The following ZFYVE9 variants were observed in gnomAD, a reference collection of about 807,000 sequenced individuals.
ZFYVE9 encodes the protein zinc finger FYVE domain-containing protein 9.
In ZFYVE9, 43 loss-of-function variants were observed where a neutral mutation model predicts 126.7. That is an observed-to-expected ratio of 0.34 (90% CI 0.27 to 0.44). The LOEUF (loss-of-function observed/expected upper bound fraction) is 0.44. Among genes scored for constraint, ZFYVE9 ranks in the 20% least tolerant of loss-of-function variants. ZFYVE9 has a pLI of 1.00. For missense variants in ZFYVE9, 1,476 were observed against 1,697.0 expected (o/e 0.87, Z 2.29); for synonymous variants, 521 against 597.4 (o/e 0.87, Z 1.87).
chr1:52,169,911 T>C (rs1572070382), intron 1 of ZFYVE9, among the ~76,000 whole-genome samples: 1 of 152,210 alleles, frequency 6.6e-6, no homozygotes, highest in Non-Finnish European at 1.5e-5. Context: ...AATGGATTTG[T>C]CAATCAGTAA....
rs181017167 is a variant in ZFYVE9, at chr1:52,177,584, C to G, written c.-143+35181C>G. On this transcript the variant is annotated intron_variant, in intron 1 of 18. Coordinates refer to ENST00000287727, the MANE Select transcript of ZFYVE9 (RefSeq NM_004799.4). ...TCTGTGCCATCAAGGAATTAAAGGA[C>G]TAGTTGGGAAGGCAAATATGTAAAT... Among the ~76,000 whole-genome samples the G allele has an allele frequency of 5.8e-3, 878 of 152,278 alleles. 3 individuals carry two copies. Among genetic ancestry groups the G allele is most frequent in the Middle Eastern group, 0.01 (3 of 294 alleles).
chr1:52,241,493 G>C (rs1011145396), intron 4 of ZFYVE9, among the ~76,000 whole-genome samples: 11 of 152,140 alleles, frequency 7.2e-5, no homozygotes, highest in Admixed American at 2.6e-4. Context: ...GCTTTCTTAA[G>C]TAAATAATGA....
chr1:52,256,195 AG>A (rs1172948928), intron 4 of ZFYVE9, among the ~76,000 whole-genome samples: 1 of 151,310 alleles, frequency 6.6e-6, no homozygotes, highest in East Asian at 2.0e-4. Flanking sequence ...CCTCCCAAGT[AG>A]CTGAGATAAC....
chr1:52,229,739 T>C (rs1426379852), intron 2 of ZFYVE9, among the ~76,000 whole-genome samples: 3 of 152,162 alleles, frequency 2.0e-5, no homozygotes, highest in Admixed American at 6.5e-5. Context: ...TGACAAATAA[T>C]CACACTGATG....
intron 1 of ZFYVE9, among the ~76,000 whole-genome samples, chr1:52,156,989 C>T (rs571889930): frequency 6.6e-5 from 10 of 152,176 alleles, no homozygotes; most frequent in Middle Eastern, 3.4e-3. Context: ...CCCGCCACCT[C>T]GCCCGGCTAA....
intron 1 of ZFYVE9, among the ~76,000 whole-genome samples, chr1:52,184,589 G>A (rs1389175125): frequency 2.0e-5 from 3 of 147,462 alleles, no homozygotes; most frequent in Non-Finnish European, 3.0e-5. Context: ...TTTGGGTGGC[G>A]GGTGGTGGGG....
At chr1:52,304,594 CTTTTTCCTTTT>C (rs577796281) in intron 13 of ZFYVE9, among the ~76,000 whole-genome samples, 1,651 of 152,042 alleles carry the variant, frequency 0.011, 25 homozygotes, top group African/African-American at 0.038. Flanking sequence ...TTTTTCCTTC[CTTTTTCCTTTT>C]TTTTTCCTTT....
At chr1:52,148,760 A>G (rs990859123) in intron 1 of ZFYVE9, among the ~76,000 whole-genome samples, 1 of 149,584 alleles carries the variant, frequency 6.7e-6, no homozygotes, top group African/African-American at 2.5e-5. Flanking sequence ...TCCTGCCTCA[A>G]CCTCCCTGGT....
intron 13 of ZFYVE9, among the ~76,000 whole-genome samples, chr1:52,329,336 C>G (rs1379289922): frequency 1.3e-5 from 2 of 152,098 alleles, no homozygotes; most frequent in Non-Finnish European, 2.9e-5. Context: ...TATATAAAAA[C>G]TGACTCAAAA....
chr1:52,272,608 A>G (rs987864517), intron 7 of ZFYVE9, among the ~76,000 whole-genome samples: 1 of 151,358 alleles, frequency 6.6e-6, no homozygotes, highest in Non-Finnish European at 1.5e-5. Context: ...TTCTCCTGTT[A>G]GTGGCCATTC....
chr1:52,245,809 A>G (rs1645378995), intron 4 of ZFYVE9, among the ~76,000 whole-genome samples: 1 of 152,228 alleles, frequency 6.6e-6, no homozygotes, highest in South Asian at 2.1e-4. Context: ...CTAGCTGTAT[A>G]ACTCATGCTC....
chr1:52,296,558 C>T (rs1347368154), intron 12 of ZFYVE9, among the ~76,000 whole-genome samples: 1 of 151,998 alleles, frequency 6.6e-6, no homozygotes, highest in African/African-American at 2.4e-5. Context: ...ACTCTGTTGG[C>T]CAAGATCATT....
At chr1:52,293,752 G>A in intron 11 of ZFYVE9, 75 bp downstream of exon 11, 1 of 1,386,104 alleles carries the variant, frequency 7.2e-7, no homozygotes, top group Non-Finnish European at 1.0e-6. Flanking sequence ...CCTCTGTTTG[G>A]TGATATAATT....
rs1212186163 is a variant in ZFYVE9, at chr1:52,215,626, A to T, written c.-142-743A>T. On this transcript the variant is annotated intron_variant, in intron 1 of 18. Transcript: ENST00000287727. Reference sequence around the variant, plus strand: ...ATTTTATACTGATAATATAATATTCATAGTCTTAGTTTTATTCTGATTAGC... The same window carrying T: ...ATTTTATACTGATAATATAATATTCTTAGTCTTAGTTTTATTCTGATTAGC... Among the ~76,000 whole-genome samples the T allele has an allele frequency of 2.6e-5, 4 of 152,200 alleles. No individual in the cohort carries two copies. In the East Asian group the frequency reaches 7.7e-4, roughly 29 times the overall value.
At chr1:52,176,325 G>A (rs1486274899) in intron 1 of ZFYVE9, among the ~76,000 whole-genome samples, 13 of 152,146 alleles carry the variant, frequency 8.5e-5, no homozygotes, top group South Asian at 2.1e-4. Context: ...TTGGTGAACC[G>A]CAAATGCTGC....
rs146432224 is a variant in ZFYVE9 at position 52,177,812 on chromosome 1, A to G, written c.-143+35409A>G. On this transcript the variant is annotated intron_variant, in intron 1 of 18. Coordinates refer to ENST00000287727, the MANE Select transcript of ZFYVE9 (RefSeq NM_004799.4). Reference sequence around the variant, plus strand: ...GTATGTGGAACAACATATGCTATCTAATTGGGGAACTGCAAATAGTGTGTT... The same window carrying G: ...GTATGTGGAACAACATATGCTATCTGATTGGGGAACTGCAAATAGTGTGTT... Among the ~76,000 whole-genome samples the G allele has an allele frequency of 1.5e-3, 233 of 152,276 alleles. 2 individuals carry two copies. Among genetic ancestry groups the G allele is most frequent in the Admixed American group, 5.4e-3 (83 of 15,292 alleles).
At chr1:52,263,199 G>A (rs938078966) in intron 4 of ZFYVE9, among the ~76,000 whole-genome samples, 2 of 152,104 alleles carry the variant, frequency 1.3e-5, no homozygotes, top group African/African-American at 4.8e-5. Context: ...GTGGAAATTG[G>A]CATGGCAGAT....
Position 52,337,828 on chromosome 1 carries a change from C to T in ZFYVE9, c.3727C>T (p.Arg1243Ter). The change falls in exon 16 of 19, where the codon CGA becomes TGA. Residue 1243 changes from arginine (R) to a stop codon, truncating the protein, a stop_gained. Transcript: ENST00000287727. LOFTEE classifies it high-confidence loss of function. ...ENMDSLRQAL[R>*]EMKDFTITCG... ...CATGGATTCCTTGAGGCAGGCACTG[C>T]GAGAGATGAAGGACTTCACCATCAC... 2 of 1,614,206 alleles carry T rather than the reference C, an allele frequency of 1.2e-6. No homozygotes were observed. Among genetic ancestry groups the T allele is most frequent in the Non-Finnish European group, 1.7e-6 (2 of 1,180,028 alleles).
chr1:52,197,261 A>G (rs1282855929), intron 1 of ZFYVE9, among the ~76,000 whole-genome samples: 14 of 152,180 alleles, frequency 9.2e-5, no homozygotes, highest in Non-Finnish European at 1.5e-5. Flanking sequence ...GTGATAGAGA[A>G]TTACTATAGC....
Sources: allele counts gnomAD v4.1 joint callset (sites outside exome capture counted in the v4.1 genomes callset), GRCh38; gene constraint gnomAD v4.1.1; transcripts MANE v1.5; gene names NCBI Gene and HGNC (gene_info 2026-07-23, HGNC 2026-07-21).